The following RBFOX3 variants were observed in gnomAD, a reference collection of about 807,000 sequenced individuals.
The protein encoded by RBFOX3 is RNA binding protein fox-1 homolog 3.
A neutral mutation model predicts 48.7 loss-of-function variants in RBFOX3; 17 were observed. The observed-to-expected ratio is 0.35, with a 90% CI of 0.24 to 0.52. RBFOX3 has a LOEUF of 0.52. RBFOX3 is among the 20% of genes least tolerant of loss of function. The pLI, the probability that RBFOX3 is intolerant of heterozygous loss-of-function variation, is 0.94. For synonymous variants in RBFOX3, 212 were observed against 209.5 expected (o/e 1.01, Z -0.10); for missense variants, 382 against 497.5 (o/e 0.77, Z 2.21).
intron 1 of RBFOX3, among the ~76,000 whole-genome samples, chr17:79,582,144 G>T (rs1568431615): frequency 6.7e-6 from 1 of 150,350 alleles, no homozygotes; most frequent in Non-Finnish European, 1.5e-5. Flanking sequence ...GCATGCATGT[G>T]CCTGCCCGTG....
At chr17:79,288,670 C>G (rs1003581068) in intron 3 of RBFOX3, among the ~76,000 whole-genome samples, 3 of 152,166 alleles carry the variant, frequency 2.0e-5, no homozygotes, top group African/African-American at 4.8e-5. Flanking sequence ...ATCCCAGGGC[C>G]TCTTTCCCCT....
chr17:79,651,042 G>T, the RBFOX3 span, among the ~76,000 whole-genome samples: 3 of 152,236 alleles, frequency 2.0e-5, no homozygotes, highest in Non-Finnish European at 4.4e-5. Context: ...TTCCAGGTGT[G>T]TGTTCTGCAC....
At chr17:79,102,337 G>A (rs763349571) in intron 8 of RBFOX3, among the ~76,000 whole-genome samples, 59 of 152,198 alleles carry the variant, frequency 3.9e-4, no homozygotes, top group Admixed American at 8.5e-4. Context: ...CCTCCCCTGC[G>A]TCCTCCATTG....
chr17:79,447,725 C>A (rs62061680), intron 2 of RBFOX3, among the ~76,000 whole-genome samples: 5,420 of 152,290 alleles, frequency 0.036, 124 homozygotes, highest in Non-Finnish European at 0.051. Context: ...TCTGAAGCTT[C>A]ATGCCATCCA....
At chr17:79,593,952 G>A (rs942696681) in intron 1 of RBFOX3, among the ~76,000 whole-genome samples, 3 of 152,106 alleles carry the variant, frequency 2.0e-5, no homozygotes, top group South Asian at 4.1e-4. Context: ...GGGCACCTGG[G>A]GAATCCATCA....
At chr17:79,248,585 T>C (rs765455151) in intron 3 of RBFOX3, among the ~76,000 whole-genome samples, 1 of 152,224 alleles carries the variant, frequency 6.6e-6, no homozygotes, top group South Asian at 2.1e-4. Flanking sequence ...GAGGTAACGA[T>C]TTTTGAAACA....
chr17:79,115,633 T>G lies in RBFOX3; in HGVS notation c.83A>C (p.His28Pro). Residue 28 changes from histidine (H) to proline (P), a missense_variant, in exon 5 of 15, where the codon CAC (histidine) becomes CCC (proline). His to Pro is a moderately conservative substitution (Grantham distance 77). Transcript: ENST00000693108. ...CTGGCCGGAGTAGTCCTGCGTGGGG[T>G]GCGGTGGGGGCGGGGCGTACTCGGC... ...IPAEYAPPPP[H>P]PTQDYSGQTP... The G allele has an allele frequency of 9.3e-7, 1 of 1,077,514 alleles. No individual in the cohort carries two copies. Among genetic ancestry groups the G allele is most frequent in the Non-Finnish European group, 1.1e-6 (1 of 888,170 alleles). The allele number at this position is 1,077,514 out of a possible 1,614,324, so 66.7% of individuals were successfully genotyped here.
chr17:79,233,153 A>G (rs996386639), intron 4 of RBFOX3, among the ~76,000 whole-genome samples: 1 of 152,256 alleles, frequency 6.6e-6, no homozygotes, highest in African/African-American at 2.4e-5. Context: ...CCCAGCGTGG[A>G]ATACTACTTG....
chr17:79,466,312 C>T (rs779746406), intron 2 of RBFOX3, among the ~76,000 whole-genome samples: 20 of 152,302 alleles, frequency 1.3e-4, no homozygotes, highest in Middle Eastern at 3.4e-3. Flanking sequence ...CAGGAAGAGT[C>T]CTGGGGGGCG....
the RBFOX3 span, among the ~76,000 whole-genome samples, chr17:79,644,222 A>G: frequency 1.3e-5 from 2 of 152,212 alleles, no homozygotes; most frequent in African/African-American, 4.8e-5. Context: ...TTTCAGGTCC[A>G]GGTGGTTTTA....
chr17:79,403,531 C>G (rs917829570), intron 2 of RBFOX3, among the ~76,000 whole-genome samples: 6 of 152,238 alleles, frequency 3.9e-5, no homozygotes, highest in African/African-American at 1.4e-4. Context: ...GTCAGCCCCA[C>G]AGCTCCACAG....
the RBFOX3 span, among the ~76,000 whole-genome samples, chr17:79,633,906 C>T: frequency 2.6e-5 from 4 of 152,214 alleles, no homozygotes; most frequent in Non-Finnish European, 5.9e-5. Flanking sequence ...TCCCACTTTG[C>T]TTCCTGTTCA....
chr17:79,557,676 T>C lies in RBFOX3; in HGVS notation c.-320+53150A>G, dbSNP rs1444938044. Among the ~76,000 whole-genome samples the C allele has an allele frequency of 1.1e-4, 17 of 152,286 alleles. No homozygotes were observed. In the South Asian group the frequency reaches 3.5e-3, roughly 32 times the overall value. On this transcript the variant is annotated intron_variant, in intron 1 of 14. Transcript: ENST00000693108. ...ATGTTCTGTGTGAAATTGGACTAGA[T>C]TGGCTCTGGTATCAACACAGGCACA...
chr17:79,592,605 TCCCTC>T (rs1162426187), intron 1 of RBFOX3, among the ~76,000 whole-genome samples: 1 of 151,838 alleles, frequency 6.6e-6, no homozygotes, highest in Non-Finnish European at 1.5e-5. Context: ...AGGGAGTGGT[TCCCTC>T]CCCACACTCC....
At chr17:79,228,273 G>A (rs1376944388) in intron 4 of RBFOX3, among the ~76,000 whole-genome samples, 1 of 152,168 alleles carries the variant, frequency 6.6e-6, no homozygotes, top group Non-Finnish European at 1.5e-5. Context: ...GGAGCGGGCG[G>A]GGTGGCCATG....
intron 4 of RBFOX3, among the ~76,000 whole-genome samples, chr17:79,146,840 A>G (rs1044738174): frequency 1.3e-5 from 2 of 152,154 alleles, no homozygotes; most frequent in African/African-American, 4.8e-5. Context: ...CAACCTCACC[A>G]TGAGGAGGGG....
intron 1 of RBFOX3, among the ~76,000 whole-genome samples, chr17:79,495,998 A>G (rs1212856065): frequency 1.3e-5 from 2 of 151,972 alleles, no homozygotes; most frequent in East Asian, 3.9e-4. Context: ...TAATAAGATT[A>G]GGATGTTGAA....
At chr17:79,581,283 C>CA (rs1410644877) in intron 1 of RBFOX3, among the ~76,000 whole-genome samples, 107 of 150,576 alleles carry the variant, frequency 7.1e-4, no homozygotes, top group South Asian at 2.1e-3. Context: ...ACAAACAAAC[C>CA]AAAAAAAAAC....
chr17:79,343,180 C>G (rs1162583723), intron 2 of RBFOX3, among the ~76,000 whole-genome samples: 5 of 152,152 alleles, frequency 3.3e-5, no homozygotes, highest in African/African-American at 1.2e-4. Context: ...TAAGTGATAC[C>G]TGGACTGTGT....
Sources: allele counts gnomAD v4.1 joint callset (sites outside exome capture counted in the v4.1 genomes callset), GRCh38; gene constraint gnomAD v4.1.1; transcripts MANE v1.5; gene names NCBI Gene and HGNC (gene_info 2026-07-23, HGNC 2026-07-21).